ZNF563: variants seen among roughly 807,000 people sequenced by gnomAD.
ZNF563 encodes zinc finger protein 563.
Under a neutral mutation model 48.5 loss-of-function variants are expected in ZNF563, and 39 were observed. The ratio of observed to expected loss-of-function variants is 0.80; its 90% CI spans 0.62 to 1.05. ZNF563 has a LOEUF of 1.05. Ranked by LOEUF, ZNF563 falls within the 50% of genes least tolerant of loss-of-function variation. The pLI is 0.00. For synonymous variants in ZNF563, 168 were observed against 187.9 expected, an observed-to-expected ratio of 0.89 and a Z score of 0.87; for missense variants, 538 against 597.0, an observed-to-expected ratio of 0.90 and a Z score of 1.03.
At chr19:12,334,424 C>T (rs1295127196), upstream of ZNF563, among the ~76,000 whole-genome samples, 1 of 152,046 alleles carries the variant, frequency 6.6e-6, no homozygotes, top group Non-Finnish European at 1.5e-5. Flanking sequence ...TGAAATGGAA[C>T]CCCAGAGTGA....
chr19:12,333,567 C>G lies in ZNF563; in HGVS notation c.-85G>C. 2 of 1,561,472 alleles carry G rather than the reference C, an allele frequency of 1.3e-6. No homozygotes were observed. Among genetic ancestry groups the G allele is most frequent in the Non-Finnish European group, 8.7e-7 (1 of 1,143,920 alleles). On this transcript the variant is annotated 5_prime_UTR_variant, in exon 1 of 4. Transcript: ENST00000293725. ...CCACTGTGACAGAGGCTGCCACAGA[C>G]GTTCCAGGGCGTCTCTCAGCGACTG...
In ZNF563 at chr19:12,318,406, CG is replaced by C. The variant is rs1968488281; in HGVS notation, c.*187del. 3.0e-6 allele frequency: 2 copies of C among 666,272 alleles called. No individual in the cohort carries two copies. Among genetic ancestry groups the C allele is most frequent in the East Asian group, 5.7e-5 (2 of 34,978 alleles). 41.3% of individuals were successfully genotyped at this position (666,272 alleles called of 1,614,324 possible). Reference sequence around the variant, plus strand: ...GTTGACAATGGTGTTAAAAAAAAATCGATCACTTTCCCACATTCCTTATATC... The same window carrying C: ...GTTGACAATGGTGTTAAAAAAAAATCATCACTTTCCCACATTCCTTATATC... On this transcript the variant is annotated 3_prime_UTR_variant, in exon 4 of 4. Coordinates refer to ENST00000293725, the MANE Select transcript of ZNF563 (RefSeq NM_145276.3).
rs779044961 is a variant in ZNF563, at chr19:12,319,270, G to A, written c.755C>T (p.Pro252Leu). Residue 252 changes from proline (P) to leucine (L), a missense_variant, in exon 4 of 4, where the codon CCG (proline) becomes CTG (leucine). Pro to Leu is a moderately conservative substitution (Grantham distance 98, BLOSUM62 -3). Coordinates refer to ENST00000293725, the MANE Select transcript of ZNF563 (RefSeq NM_145276.3). ...RHERMHTGEK[P>L]YECKQCSKAL... ...TTTAGAACACTGCTTACATTCATAC[G>A]GTTTCTCCCCAGTGTGCATTCTCTC... 1.5e-5 allele frequency: 25 copies of A among 1,613,868 alleles called. No homozygotes were observed. Among genetic ancestry groups the A allele is most frequent in the South Asian group, 5.5e-5 (5 of 91,044 alleles).
the ZNF563 span, among the ~76,000 whole-genome samples, chr19:12,344,979 TTA>T: frequency 6.6e-6 from 1 of 151,668 alleles, no homozygotes; most frequent in Admixed American, 6.6e-5. Context: ...GAAAATAATT[TTA>T]GTTATAAAAG....
At position 12,321,297 on chromosome 19, in the gene ZNF563, A is replaced by G. The variant is rs199645919; in HGVS notation, c.166T>C (p.Tyr56His). ...IWEEQNTEDQ[Y>H]KNPRRNLRCH... ...CTTAGATTTCTCCTAGGATTTTTGT[A>G]CTGATCTTCAGTATTCTGTTCTTCC... Residue 56 changes from tyrosine to histidine, a missense_variant, in exon 3 of 4, where the codon TAC becomes CAC. By Grantham distance (83) the Tyr-to-His change is moderately conservative. Coordinates refer to ENST00000293725, the MANE Select transcript of ZNF563 (RefSeq NM_145276.3). 1.9e-6 allele frequency: 3 copies of G among 1,579,426 alleles called. No individual in the cohort carries two copies. Among genetic ancestry groups the G allele is most frequent in the Non-Finnish European group, 1.7e-6 (2 of 1,165,586 alleles).
chr19:12,339,926 C>CA, the ZNF563 span, among the ~76,000 whole-genome samples: 1 of 151,902 alleles, frequency 6.6e-6, no homozygotes, highest in Admixed American at 6.6e-5. Context: ...TTGAAAGCAG[C>CA]AAAAAAGAAG....
chr19:12,330,172 G>A lies in ZNF563; in HGVS notation c.3+3308C>T, dbSNP rs551144848. 2.0e-5 allele frequency among the ~76,000 whole-genome samples: 3 copies of A among 152,126 alleles called. No individual in the cohort carries two copies. The South Asian group carries it at 6.2e-4, about 32-fold the overall frequency. On this transcript the variant is annotated intron_variant, in intron 1 of 3. Transcript: ENST00000293725. ...TGACCTCAGATGATCCATACACCTC[G>A]GCCTCCCAAAGTGCTAGGATTACAG...
At chr19:12,320,586 G>A (rs1047405763) in intron 3 of ZNF563, among the ~76,000 whole-genome samples, 8 of 151,676 alleles carry the variant, frequency 5.3e-5, no homozygotes, top group Non-Finnish European at 1.0e-4. Flanking sequence ...TGCAACCTTC[G>A]CCTCCTGGGT....
At chr19:12,333,814 G>A (rs1023468725), upstream of ZNF563, 49 of 379,320 alleles carry the variant, frequency 1.3e-4, 1 homozygote, top group South Asian at 2.6e-3. Flanking sequence ...ACACAGTGCT[G>A]AGTCGAGCGG....
At chr19:12,320,156 T>C (rs1444035778) in intron 3 of ZNF563, among the ~76,000 whole-genome samples, 2 of 151,614 alleles carry the variant, frequency 1.3e-5, no homozygotes, top group African/African-American at 4.9e-5. Context: ...GACCTCGTGA[T>C]CCACCCCCCC....
In ZNF563 at chr19:12,318,613, T is replaced by G; in HGVS notation, c.1412A>C (p.His471Pro). The G allele has an allele frequency of 6.2e-7, 1 of 1,613,530 alleles. No individual in the cohort carries two copies. Among genetic ancestry groups the G allele is most frequent in the African/African-American group, 1.3e-5 (1 of 75,042 alleles). ...TTACATTCATATTGTTTCTCTCCAG[T>G]GAGTCTTTTCATGTCTTTGACATAC... is the stretch of plus-strand genomic sequence containing the variant. ...PSVCQRHEKTHWRETI is the reference protein window; with the variant it reads ...PSVCQRHEKTPWRETI The change falls in exon 4 of 4, where the codon CAC becomes CCC. Residue 471 changes from histidine (H) to proline (P), a missense_variant. By Grantham distance (77) the His-to-Pro change is moderately conservative (BLOSUM62 -2). Transcript: ENST00000293725.
upstream of ZNF563, among the ~76,000 whole-genome samples, chr19:12,335,940 G>T (rs939937957): frequency 6.6e-6 from 1 of 152,112 alleles, no homozygotes; most frequent in Non-Finnish European, 1.5e-5. Flanking sequence ...CAATTAATCT[G>T]CCTTCTCTCC....
the ZNF563 span, among the ~76,000 whole-genome samples, chr19:12,340,664 C>A: frequency 1.3e-5 from 2 of 152,098 alleles, no homozygotes; most frequent in African/African-American, 4.8e-5. Context: ...GTAGTCCCAG[C>A]TACTCAGGAG....
chr19:12,333,940 C>A (rs777440180), upstream of ZNF563, among the ~76,000 whole-genome samples: 15 of 152,356 alleles, frequency 9.8e-5, no homozygotes, highest in Admixed American at 3.9e-4. Flanking sequence ...ACTCAGCAGG[C>A]CCTTACTGCC....
At chr19:12,332,017 C>A (rs1968929544) in intron 1 of ZNF563, among the ~76,000 whole-genome samples, 1 of 152,084 alleles carries the variant, frequency 6.6e-6, no homozygotes, top group Admixed American at 6.6e-5. Context: ...AAAATCATAT[C>A]TTCTAAAAAA....
chr19:12,326,000 T>C (rs1968784015), intron 1 of ZNF563, among the ~76,000 whole-genome samples: 1 of 152,208 alleles, frequency 6.6e-6, no homozygotes, highest in African/African-American at 2.4e-5. Flanking sequence ...GGACAGAATC[T>C]GATTTCCAGA....
chr19:12,331,608 T>G (rs991824137), intron 1 of ZNF563, among the ~76,000 whole-genome samples: 4 of 152,188 alleles, frequency 2.6e-5, no homozygotes, highest in Non-Finnish European at 4.4e-5. Flanking sequence ...GCTTAACTTT[T>G]TACAAGAGGA....
rs768829650 is a variant in ZNF563, at chr19:12,319,725, T to C, written c.300A>G (p.Glu100=). Residue 100 remains glutamate, a synonymous_variant, in exon 4 of 4, where the codon GAA becomes GAG. Coordinates refer to ENST00000293725, the MANE Select transcript of ZNF563 (RefSeq NM_145276.3). The stretch of plus-strand genomic sequence containing the variant: ...CACACTCAGCGCTTTGACATGGATC[T>C]TCTCCAGGACAAATGCTGTTGTTCA... ...SIVNNSICPG[E]DPCQSAECEE... 1.6e-5 allele frequency: 26 copies of C among 1,614,082 alleles called. No homozygotes were observed. The Admixed American group carries it at 4.3e-4, about 27-fold the overall frequency.
intron 1 of ZNF563, among the ~76,000 whole-genome samples, chr19:12,323,228 A>G (rs1968681856): frequency 6.6e-6 from 1 of 152,216 alleles, no homozygotes; most frequent in South Asian, 2.1e-4. Context: ...CTTAACTCCT[A>G]TGTTCTGAGA....
Sources: gnomAD v4.1 joint callset for allele counts (sites outside exome capture counted in the v4.1 genomes callset) on GRCh38, gnomAD v4.1.1 for gene constraint, MANE v1.5 for transcripts, NCBI Gene and HGNC (gene_info 2026-07-23, HGNC 2026-07-21) for gene names.